Variants in CCDC102B observed in about 807,000 individuals in gnomAD.
CCDC102B encodes the protein coiled-coil domain containing 102B.
In CCDC102B, 75 loss-of-function variants were observed where a neutral mutation model predicts 57.4. The ratio of observed to expected loss-of-function variants is 1.31; its 90% CI spans 1.08 to 1.58. The LOEUF (loss-of-function observed/expected upper bound fraction) is 1.58, where lower values mean the gene tolerates loss of function less well. CCDC102B is among the 40% of genes most tolerant of loss of function. The pLI, the probability that CCDC102B is intolerant of heterozygous loss-of-function variation, is 0.00. For missense variants in CCDC102B, 636 were observed against 582.6 expected, an observed-to-expected ratio of 1.09 and a Z score of -0.94; for synonymous variants, 206 against 201.9, an observed-to-expected ratio of 1.02 and a Z score of -0.17.
At chr18:68,785,200 G>A (rs1300022696) in intron 2 of CCDC102B, among the ~76,000 whole-genome samples, 1 of 151,766 alleles carries the variant, frequency 6.6e-6, no homozygotes, top group Non-Finnish European at 1.5e-5. Context: ...GTGTATATGT[G>A]CCACATTTTC....
downstream of CCDC102B, among the ~76,000 whole-genome samples, chr18:69,058,109 T>A (rs1200348024): frequency 2.6e-5 from 4 of 152,068 alleles, no homozygotes; most frequent in African/African-American, 9.7e-5. Flanking sequence ...GGTTTTCTGT[T>A]CCTGCATTAA....
At chr18:69,019,921 C>G (rs1482410750) in intron 7 of CCDC102B, among the ~76,000 whole-genome samples, 25 of 152,220 alleles carry the variant, frequency 1.6e-4, no homozygotes, top group Non-Finnish European at 2.5e-4. Flanking sequence ...TTATCATAAA[C>G]AGGTGTTGAA....
chr18:68,789,471 C>A (rs1436323313), intron 2 of CCDC102B, among the ~76,000 whole-genome samples: 1 of 152,178 alleles, frequency 6.6e-6, no homozygotes, highest in African/African-American at 2.4e-5. Flanking sequence ...GTACCCCAAT[C>A]AGACGTAGAT....
In CCDC102B at chr18:69,054,235, A is replaced by G. The variant is rs2052776828; in HGVS notation, c.*98A>G. ...GTAAAATTGTTTTTATTAACTAGAA[A>G]TATTAATGAAAAAAACGTAGACAAT... is the stretch of plus-strand genomic sequence containing the variant. On this transcript the variant is annotated 3_prime_UTR_variant, in exon 8 of 8. Coordinates refer to ENST00000360242, the MANE Select transcript of CCDC102B (RefSeq NM_024781.3). The G allele has an allele frequency of 7.2e-7, 1 of 1,383,686 alleles. No homozygotes were observed. The highest frequency in any genetic ancestry group is 3.2e-5 in the Admixed American group (1 of 31,096). The allele number at this position is 1,383,686 out of a possible 1,614,324, so 85.7% of individuals were successfully genotyped here.
chr18:68,868,774 G>C (rs2039112785), intron 4 of CCDC102B, among the ~76,000 whole-genome samples: 2 of 152,124 alleles, frequency 1.3e-5, no homozygotes, highest in African/African-American at 2.4e-5. Context: ...TATTGACCAA[G>C]GTCAATATGA....
In CCDC102B at chr18:68,837,341, T is replaced by C; in HGVS notation, c.578T>C (p.Phe193Ser). ...AGAGAGTATTTGGTAAAAAGACAAT[T>C]TTCTACAAAGGAGGACACAAATAAT... ...SIREYLVKRQ[F>S]STKEDTNNKE... Residue 193 changes from phenylalanine to serine, a missense_variant, in exon 2 of 8, where the codon TTT becomes TCT. Coordinates refer to ENST00000360242, the MANE Select transcript of CCDC102B (RefSeq NM_024781.3). 6.2e-7 allele frequency: 1 copy of C among 1,610,320 alleles called. No homozygotes were observed. The highest frequency in any genetic ancestry group is 8.5e-7 in the Non-Finnish European group (1 of 1,178,300).
In CCDC102B at chr18:68,946,194, G is replaced by C. The variant is rs190758659; in HGVS notation, c.1263+48766G>C. On this transcript the variant is annotated intron_variant, in intron 6 of 7. Coordinates refer to ENST00000360242, the MANE Select transcript of CCDC102B (RefSeq NM_024781.3). ...ATTAATCTAGTTACATATTTATTTA[G>C]ATCTTTTTCTGTACAAATTATCTCC... Among the ~76,000 whole-genome samples, 993 of 151,964 alleles carry C rather than the reference G, an allele frequency of 6.5e-3. 10 individuals are homozygous for C. The highest frequency in any genetic ancestry group is 0.023 in the African/African-American group (949 of 41,504).
intron 6 of CCDC102B, among the ~76,000 whole-genome samples, chr18:68,940,838 T>A (rs1354441299): frequency 1.3e-5 from 2 of 151,890 alleles, no homozygotes; most frequent in Admixed American, 1.3e-4. Flanking sequence ...GCATATAGTA[T>A]TCAATGAAAT....
intron 5 of CCDC102B, among the ~76,000 whole-genome samples, chr18:68,880,518 C>G (rs570396502): frequency 1.3e-5 from 2 of 152,204 alleles, no homozygotes; most frequent in African/African-American, 4.8e-5. Flanking sequence ...CGCCGAGAGC[C>G]AGCGAGGGCT....
chr18:69,049,347 A>T (rs887811978), intron 7 of CCDC102B, among the ~76,000 whole-genome samples: 1 of 152,062 alleles, frequency 6.6e-6, no homozygotes, highest in African/African-American at 2.4e-5. Context: ...AGCTTCATCC[A>T]TGTCCCTGCA....
intron 4 of CCDC102B, among the ~76,000 whole-genome samples, chr18:68,855,292 G>A (rs889717667): frequency 2.0e-5 from 3 of 152,064 alleles, no homozygotes; most frequent in Admixed American, 6.6e-5. Flanking sequence ...TCCTAAGATA[G>A]GGGTGTCAAT....
intron 6 of CCDC102B, among the ~76,000 whole-genome samples, chr18:68,960,246 T>C (rs1599757109): frequency 6.6e-6 from 1 of 152,170 alleles, no homozygotes; most frequent in Admixed American, 6.5e-5. Context: ...CTTTAAGGCC[T>C]GGGGTCCCTT....
intron 3 of CCDC102B, among the ~76,000 whole-genome samples, chr18:68,842,385 T>C (rs140142851): frequency 2.0e-5 from 3 of 152,128 alleles, no homozygotes; most frequent in East Asian, 1.9e-4. Context: ...ACCTTTACCA[T>C]TTTTTGACTC....
intron 6 of CCDC102B, among the ~76,000 whole-genome samples, chr18:68,983,010 A>G (rs1422500999): frequency 6.6e-6 from 1 of 151,928 alleles, no homozygotes; most frequent in Non-Finnish European, 1.5e-5. Context: ...TTTGTACCAT[A>G]CATTAAAATA....
At chr18:68,912,157 A>G (rs1372995924) in intron 6 of CCDC102B, among the ~76,000 whole-genome samples, 1 of 108,946 alleles carries the variant, frequency 9.2e-6, no homozygotes, top group African/African-American at 3.6e-5. Context: ...TTGATCCTGG[A>G]GAGAAGACAG....
chr18:68,953,971 GAAAC>G (rs1170584185), intron 6 of CCDC102B, among the ~76,000 whole-genome samples: 8 of 151,836 alleles, frequency 5.3e-5, no homozygotes, highest in African/African-American at 1.7e-4. Context: ...CATTTTAGTG[GAAAC>G]AAACAATGTC....
intron 6 of CCDC102B, among the ~76,000 whole-genome samples, chr18:68,925,906 A>T (rs1292555634): frequency 6.6e-6 from 1 of 151,934 alleles, no homozygotes; most frequent in East Asian, 1.9e-4. Flanking sequence ...TCTCTGAGAC[A>T]TTTTTTAAAG....
intron 6 of CCDC102B, among the ~76,000 whole-genome samples, chr18:68,957,510 C>T (rs551604215): frequency 2.1e-5 from 3 of 145,246 alleles, no homozygotes; most frequent in African/African-American, 7.6e-5. Flanking sequence ...ATTTTAGTTA[C>T]TATATCTCTG....
rs2037406680 is a variant in CCDC102B, at chr18:68,836,966, A to C, written c.203A>C (p.Asp68Ala). Residue 68 changes from aspartate (D) to alanine (A), a missense_variant, in exon 2 of 8, where the codon GAT (aspartate) becomes GCT (alanine). Transcript: ENST00000360242. ...CACTCATATAACACCAACAAATGGG[A>C]TATTTGTGAAGAACTTCGCCTGCGG... ...CAHSYNTNKWDICEELRLREL... is the reference protein window; with the variant it reads ...CAHSYNTNKWAICEELRLREL... The C allele has an allele frequency of 6.2e-7, 1 of 1,613,996 alleles. No homozygotes were observed. Among genetic ancestry groups the C allele is most frequent in the African/African-American group, 1.3e-5 (1 of 74,888 alleles).
Sources: allele counts gnomAD v4.1 joint callset (sites outside exome capture counted in the v4.1 genomes callset), GRCh38; gene constraint gnomAD v4.1.1; transcripts MANE v1.5; gene names NCBI Gene and HGNC (gene_info 2026-07-23, HGNC 2026-07-21).